The following VWA3B variants were observed in gnomAD, a reference collection of about 807,000 sequenced individuals.
The protein encoded by VWA3B is von Willebrand factor A domain containing 3B, also known as von Willebrand factor A domain-containing protein 3B.
VWA3B carries 138 observed loss-of-function variants against 158.3 expected under a neutral mutation model. The observed-to-expected ratio is 0.87, with a 90% confidence interval of 0.76 to 1.00. The LOEUF (loss-of-function observed/expected upper bound fraction) is 1.00. Among genes scored for constraint, VWA3B ranks in the 50% least tolerant of loss-of-function variants. The pLI, the probability that VWA3B is intolerant of heterozygous loss-of-function variation, is 0.00. For missense variants in VWA3B, 1,555 were observed against 1,565.1 expected (o/e 0.99, Z 0.11); for synonymous variants, 596 against 587.3 (o/e 1.01, Z -0.21).
intron 22 of VWA3B, among the ~76,000 whole-genome samples, chr2:98,283,569 G>A (rs1252482097): frequency 1.3e-5 from 2 of 152,236 alleles, no homozygotes; most frequent in Non-Finnish European, 2.9e-5. Flanking sequence ...GTAGGAAGCT[G>A]TGCTTGGGCA....
chr2:98,147,024 G>A (rs1428280003), intron 7 of VWA3B, among the ~76,000 whole-genome samples: 1 of 152,144 alleles, frequency 6.6e-6, no homozygotes, highest in Admixed American at 6.5e-5. Flanking sequence ...AGTATCATTT[G>A]AATACTTAGC....
At chr2:98,286,158 T>A (rs1188508835) in intron 22 of VWA3B, among the ~76,000 whole-genome samples, 1 of 152,148 alleles carries the variant, frequency 6.6e-6, no homozygotes, top group African/African-American at 2.4e-5. Flanking sequence ...TGTTAATTAA[T>A]TCTAGTAGTT....
intron 7 of VWA3B, among the ~76,000 whole-genome samples, chr2:98,144,989 T>C (rs1400964985): frequency 1.3e-5 from 2 of 152,256 alleles, no homozygotes; most frequent in African/African-American, 4.8e-5. Flanking sequence ...ACATCCTCTC[T>C]GCTGCATGCT....
intron 21 of VWA3B, among the ~76,000 whole-genome samples, chr2:98,267,178 T>C (rs1574238026): frequency 6.6e-6 from 1 of 151,404 alleles, no homozygotes; most frequent in Non-Finnish European, 1.5e-5. Context: ...ATATTGGCTG[T>C]GGGTTTGTCA....
intron 20 of VWA3B, among the ~76,000 whole-genome samples, chr2:98,251,273 GT>G (rs1686785570): frequency 6.6e-6 from 1 of 152,076 alleles, no homozygotes; most frequent in African/African-American, 2.4e-5. Flanking sequence ...GATCTGTAAA[GT>G]TTTCCTTTTA....
intron 2 of VWA3B, among the ~76,000 whole-genome samples, chr2:98,106,831 T>TC (rs1340239778): frequency 1.3e-5 from 2 of 152,062 alleles, no homozygotes; most frequent in Admixed American, 1.3e-4. Context: ...TTTCTTTCTT[T>TC]CTCATCTATG....
intron 20 of VWA3B, among the ~76,000 whole-genome samples, chr2:98,254,497 A>C (rs1421815851): frequency 1.3e-5 from 2 of 152,164 alleles, no homozygotes; most frequent in African/African-American, 2.4e-5. Context: ...TACCTGAATC[A>C]CATGATTCAA....
At chr2:98,121,684 C>T (rs956708974) in intron 5 of VWA3B, among the ~76,000 whole-genome samples, 1 of 152,106 alleles carries the variant, frequency 6.6e-6, no homozygotes, top group Non-Finnish European at 1.5e-5. Flanking sequence ...TGTGGGGTGA[C>T]TGGGGATGCA....
intron 19 of VWA3B, among the ~76,000 whole-genome samples, chr2:98,242,055 T>G (rs1163176032): frequency 6.6e-6 from 1 of 152,184 alleles, no homozygotes; most frequent in Non-Finnish European, 1.5e-5. Flanking sequence ...AAAAGTAGAA[T>G]GGAGTTGAAA....
At chr2:98,140,686 T>A (rs1257349936) in intron 7 of VWA3B, among the ~76,000 whole-genome samples, 1 of 152,216 alleles carries the variant, frequency 6.6e-6, no homozygotes. Context: ...CGATGCTCCC[T>A]TTTGGTGCTC....
Position 98,311,824 on chromosome 2 carries a change from A to T in VWA3B, c.3527A>T (p.Asp1176Val). ...TGATCTCTCTCTGTCTCTAGAGAGG[A>T]TGTGGAGGCGAGGAACTCTGCTTTC... ...PPIPEDPEVE[D>V]VEARNSAFLF... The change falls in exon 27 of 28, where the codon GAT becomes GTT. Residue 1176 changes from aspartate to valine, a missense_variant. Transcript: ENST00000477737. 6.2e-7 allele frequency: 1 copy of T among 1,603,656 alleles called. No homozygotes were observed. Among genetic ancestry groups the T allele is most frequent in the Non-Finnish European group, 8.5e-7 (1 of 1,175,208 alleles).
At chr2:98,281,614 T>C (rs1688879859) in intron 22 of VWA3B, among the ~76,000 whole-genome samples, 1 of 152,144 alleles carries the variant, frequency 6.6e-6, no homozygotes, top group South Asian at 2.1e-4. Context: ...CATGGAAAAT[T>C]TTAAAGCATC....
chr2:98,250,829 G>A (rs563819176), intron 20 of VWA3B, among the ~76,000 whole-genome samples: 2 of 152,204 alleles, frequency 1.3e-5, no homozygotes, highest in African/African-American at 4.8e-5. Context: ...CATTTACCCT[G>A]ATGTTATTAT....
chr2:98,143,074 C>G (rs993698005), intron 7 of VWA3B, among the ~76,000 whole-genome samples: 2 of 152,300 alleles, frequency 1.3e-5, no homozygotes, highest in Middle Eastern at 3.4e-3. Flanking sequence ...GGGAGTCTCT[C>G]TGTCACCCAG....
At chr2:98,096,201 GTTC>G (rs937880639) in intron 2 of VWA3B, among the ~76,000 whole-genome samples, 2 of 151,990 alleles carry the variant, frequency 1.3e-5, no homozygotes, top group African/African-American at 4.8e-5. Flanking sequence ...ATTGGTATTA[GTTC>G]TTCTTTAAAT....
chr2:98,154,627 C>T (rs1425478549), intron 7 of VWA3B, among the ~76,000 whole-genome samples: 1 of 152,178 alleles, frequency 6.6e-6, no homozygotes, highest in Non-Finnish European at 1.5e-5. Context: ...GGGGTGGGCT[C>T]AGCCCAGGGC....
chr2:98,271,154 C>G (rs905248400), intron 22 of VWA3B, among the ~76,000 whole-genome samples: 1 of 151,920 alleles, frequency 6.6e-6, no homozygotes. Flanking sequence ...AAAGCCTGGA[C>G]TTTCACAGGA....
At chr2:98,168,604 T>G (rs1679311106) in intron 8 of VWA3B, among the ~76,000 whole-genome samples, 1 of 152,248 alleles carries the variant, frequency 6.6e-6, no homozygotes, top group Admixed American at 6.5e-5. Flanking sequence ...AAAAGACACA[T>G]ACTGAACTTT....
At chr2:98,218,424 C>G (rs1684213958) in intron 14 of VWA3B, among the ~76,000 whole-genome samples, 1 of 152,066 alleles carries the variant, frequency 6.6e-6, no homozygotes, top group Non-Finnish European at 1.5e-5. Flanking sequence ...TTTTGACAAA[C>G]TTTAGGAATC....
Sources: allele counts gnomAD v4.1 joint callset (sites outside exome capture counted in the v4.1 genomes callset), GRCh38; gene constraint gnomAD v4.1.1; transcripts MANE v1.5; gene names NCBI Gene and HGNC (gene_info 2026-07-23, HGNC 2026-07-21).